Variants in GREM2 observed in about 807,000 individuals in gnomAD.
GREM2 encodes the protein gremlin 2, DAN family BMP antagonist, also known as gremlin-2.
In GREM2, 11 loss-of-function variants were observed where a neutral mutation model predicts 14.2. That is an observed-to-expected ratio of 0.78 (90% CI 0.49 to 1.28). The LOEUF (loss-of-function observed/expected upper bound fraction) is 1.28, where lower values mean the gene tolerates loss of function less well. Ranked by LOEUF, GREM2 falls within the 50% of genes most tolerant of loss-of-function variation. GREM2 has a pLI of 0.00. For synonymous variants in GREM2, 98 were observed against 97.6 expected (o/e 1.00, Z -0.02); for missense variants, 210 against 218.5 (o/e 0.96, Z 0.24).
rs1052102316 is a variant in GREM2, at chr1:240,549,107, G to A, written c.-1-55631C>T. Among the ~76,000 whole-genome samples the A allele has an allele frequency of 1.8e-4, 27 of 152,102 alleles. 1 individual carries two copies. Among genetic ancestry groups the A allele is most frequent in the African/African-American group, 6.0e-4 (25 of 41,438 alleles). On this transcript the variant is annotated intron_variant, in intron 1 of 1. Transcript: ENST00000318160. ...ATCCAGCACTTTGGGAGGCCAAGGC[G>A]GGTGGATCACCTGAGGTCGGGAGTT... is the stretch of plus-strand genomic sequence containing the variant.
At chr1:240,585,555 C>A (rs1333144853) in intron 1 of GREM2, among the ~76,000 whole-genome samples, 2 of 151,678 alleles carry the variant, frequency 1.3e-5, no homozygotes, top group Admixed American at 1.3e-4. Flanking sequence ...CACGGTGAAA[C>A]CCCATCTCTA....
At chr1:240,549,375 G>C (rs987423714) in intron 1 of GREM2, among the ~76,000 whole-genome samples, 1 of 151,706 alleles carries the variant, frequency 6.6e-6, no homozygotes, top group Admixed American at 6.6e-5. Flanking sequence ...CAAAAAGTGT[G>C]CAGATAGAGA....
At chr1:240,512,865 T>C (rs1376985370) in intron 1 of GREM2, among the ~76,000 whole-genome samples, 1 of 152,172 alleles carries the variant, frequency 6.6e-6, no homozygotes, top group East Asian at 1.9e-4. Context: ...TCCTGAACTC[T>C]CCATTAGACA....
intron 1 of GREM2, among the ~76,000 whole-genome samples, chr1:240,505,995 CCA>C (rs1392615186): frequency 7.9e-5 from 12 of 151,928 alleles, no homozygotes; most frequent in Middle Eastern, 3.5e-3. Flanking sequence ...AAAAAAAGAT[CCA>C]GTTTGCAATA....
intron 1 of GREM2, among the ~76,000 whole-genome samples, chr1:240,513,497 C>T (rs1357246721): frequency 6.7e-6 from 1 of 150,200 alleles, no homozygotes; most frequent in Admixed American, 6.6e-5. Context: ...ATCGCTTTAA[C>T]CTGGGAGACA....
chr1:240,499,691 T>C (rs1475263943), intron 1 of GREM2, among the ~76,000 whole-genome samples: 2 of 152,196 alleles, frequency 1.3e-5, no homozygotes, highest in African/African-American at 4.8e-5. Flanking sequence ...AGCCAAAGAT[T>C]GCTTGCTTGC....
chr1:240,594,767 G>A (rs1302489869), intron 1 of GREM2, among the ~76,000 whole-genome samples: 1 of 151,856 alleles, frequency 6.6e-6, no homozygotes, highest in Non-Finnish European at 1.5e-5. Flanking sequence ...AACGACAGGG[G>A]ACACATTCTA....
intron 1 of GREM2, among the ~76,000 whole-genome samples, chr1:240,525,202 T>A (rs541057086): frequency 6.6e-6 from 1 of 152,176 alleles, no homozygotes; most frequent in East Asian, 1.9e-4. Flanking sequence ...TGTCCTAATT[T>A]CTTTCCTTAA....
intron 1 of GREM2, among the ~76,000 whole-genome samples, chr1:240,578,578 G>A (rs1007284117): frequency 3.3e-5 from 5 of 151,578 alleles, no homozygotes; most frequent in Non-Finnish European, 7.4e-5. Flanking sequence ...TGAGGTCAGG[G>A]GTTCAAGACC....
Position 240,492,689 on chromosome 1 carries a change from G to A in GREM2, c.*280C>T. The A allele has an allele frequency of 3.8e-6, 1 of 265,338 alleles. No individual in the cohort carries two copies. The highest frequency in any genetic ancestry group is 7.1e-6 in the Non-Finnish European group (1 of 141,448). The allele number at this position is 265,338 out of a possible 1,614,324, so 16.4% of individuals were successfully genotyped here. A position where few individuals can be genotyped will look rare whatever the true frequency, so the allele number is the denominator to read the frequency against. ...TCGAAAGGTCCTCTCTGACTGCTGG[G>A]TGGCGGTGGTGGTTTTCCAGCATTT... On this transcript the variant is annotated 3_prime_UTR_variant, in exon 2 of 2. Coordinates refer to ENST00000318160, the MANE Select transcript of GREM2 (RefSeq NM_022469.4).
At chr1:240,572,202 A>G (rs1679275160) in intron 1 of GREM2, among the ~76,000 whole-genome samples, 1 of 152,248 alleles carries the variant, frequency 6.6e-6, no homozygotes, top group African/African-American at 2.4e-5. Flanking sequence ...TTATATTAAA[A>G]AGATGTGTTC....
intron 1 of GREM2, among the ~76,000 whole-genome samples, chr1:240,510,826 C>G (rs1244073373): frequency 1.3e-5 from 2 of 152,114 alleles, no homozygotes; most frequent in Non-Finnish European, 2.9e-5. Flanking sequence ...AAAAAAGAGA[C>G]GTCTGCATTA....
rs1439024336 is a variant in GREM2, at chr1:240,493,493, A to C, written c.-1-17T>G. The C allele has an allele frequency of 6.3e-7, 1 of 1,588,672 alleles. No homozygotes were observed. The highest frequency in any genetic ancestry group is 8.6e-7 in the Non-Finnish European group (1 of 1,166,728). On this transcript the variant is annotated splice_polypyrimidine_tract_variant and intron_variant, in intron 1 of 1. Coordinates refer to ENST00000318160, the MANE Select transcript of GREM2 (RefSeq NM_022469.4). ...CAGAACATCCTGCAAACGAGAAAAG[A>C]GAGGGGCTGGCTGTGAAGGGCCGTA...
At position 240,532,250 on chromosome 1, in the gene GREM2, A is replaced by G. The variant is rs559816537; in HGVS notation, c.-1-38774T>C. On this transcript the variant is annotated intron_variant, in intron 1 of 1. Transcript: ENST00000318160. ...AGGTGCACGCCACCATGCCCAGCTA[A>G]TTTTTGTATTTTTAGTAGAGACAGG... is the stretch of plus-strand genomic sequence containing the variant. 2.8e-4 allele frequency among the ~76,000 whole-genome samples: 42 copies of G among 152,000 alleles called. 1 individual carries two copies. In the South Asian group the frequency reaches 8.3e-3, roughly 30 times the overall value.
chr1:240,507,836 C>T (rs982382529), intron 1 of GREM2, among the ~76,000 whole-genome samples: 5 of 152,066 alleles, frequency 3.3e-5, no homozygotes, highest in South Asian at 2.1e-4. Context: ...GAAGTGAAGA[C>T]GATGTGTACA....
chr1:240,546,106 G>A lies in GREM2; in HGVS notation c.-1-52630C>T, dbSNP rs571909288. ...TCCCAGCACTTTGGGAAGCTGAGGC[G>A]GGCGGATCACTTGAGCTTAGAAGTT... On this transcript the variant is annotated intron_variant, in intron 1 of 1. Transcript: ENST00000318160. Among the ~76,000 whole-genome samples the A allele has an allele frequency of 3.3e-5, 5 of 152,100 alleles. No individual in the cohort carries two copies. In the South Asian group the frequency reaches 6.2e-4, roughly 19 times the overall value.
intron 1 of GREM2, among the ~76,000 whole-genome samples, chr1:240,578,836 A>C (rs1679423751): frequency 6.6e-6 from 1 of 152,012 alleles, no homozygotes; most frequent in Admixed American, 6.6e-5. Flanking sequence ...AAAAAGAGCA[A>C]ATTTCAAGAC....
intron 1 of GREM2, among the ~76,000 whole-genome samples, chr1:240,539,300 GC>G (rs1329649670): frequency 6.6e-6 from 1 of 152,144 alleles, no homozygotes; most frequent in Non-Finnish European, 1.5e-5. Context: ...AAGTCTCTTT[GC>G]TATGATGTGC....
chr1:240,607,738 C>T (rs1680056846), intron 1 of GREM2, among the ~76,000 whole-genome samples: 1 of 152,148 alleles, frequency 6.6e-6, no homozygotes, highest in African/African-American at 2.4e-5. Flanking sequence ...CTGATCAAAT[C>T]CACTCCTGTG....
Sources: allele counts gnomAD v4.1 joint callset (sites outside exome capture counted in the v4.1 genomes callset), GRCh38; gene constraint gnomAD v4.1.1; transcripts MANE v1.5; gene names NCBI Gene and HGNC (gene_info 2026-07-23, HGNC 2026-07-21).